SEPSECS: variants seen among roughly 807,000 people sequenced by gnomAD.
SEPSECS encodes the protein Sep (O-phosphoserine) tRNA:Sec (selenocysteine) tRNA synthase, also known as O-phosphoseryl-tRNA(Sec) selenium transferase.
A neutral mutation model predicts 52.1 loss-of-function variants in SEPSECS; 42 were observed. The ratio of observed to expected loss-of-function variants is 0.81; its 90% CI spans 0.63 to 1.04. The LOEUF (loss-of-function observed/expected upper bound fraction) is 1.04. Among genes scored for constraint, SEPSECS ranks in the 50% least tolerant of loss-of-function variants. SEPSECS has a pLI of 0.00. For missense variants in SEPSECS, 590 were observed against 610.6 expected (o/e 0.97, Z 0.36); for synonymous variants, 216 against 211.4 (o/e 1.02, Z -0.19).
At position 25,125,724 on chromosome 4, in the gene SEPSECS, A is replaced by G. The variant is rs527970470; in HGVS notation, c.1181T>C (p.Met394Thr). 2 of 1,613,112 alleles carry G rather than the reference A, an allele frequency of 1.2e-6. No homozygotes were observed. The highest frequency in any genetic ancestry group is 1.3e-5 in the African/African-American group (1 of 75,022). The change falls in exon 10 of 11, where the codon ATG becomes ACG. Residue 394 changes from methionine (M) to threonine (T), a missense_variant. Met to Thr is a moderately conservative substitution (Grantham distance 81). Transcript: ENST00000382103. ...TCCAGAAACCTGTCTGGTAAAAAGC[A>G]TCGAGCCAAGCTGAGTGACAGCTTT... ...RDKAVTQLGSMLFTRQVSGAR... is the reference protein window; with the variant it reads ...RDKAVTQLGSTLFTRQVSGAR...
intron 6 of SEPSECS, among the ~76,000 whole-genome samples, chr4:25,146,953 T>C (rs1711999240): frequency 6.6e-6 from 1 of 152,206 alleles, no homozygotes; most frequent in Non-Finnish European, 1.5e-5. Flanking sequence ...CTTGAAATCC[T>C]TCCATGGCCA....
At chr4:25,154,875 T>C in intron 5 of SEPSECS, 123 bp downstream of exon 5, 1 of 1,027,824 alleles carries the variant, frequency 9.7e-7, no homozygotes, top group Non-Finnish European at 1.5e-6. Flanking sequence ...GGTCAATCTA[T>C]TCTCTTAGAA....
chr4:25,151,376 T>A (rs986555504), intron 6 of SEPSECS, among the ~76,000 whole-genome samples: 1 of 152,030 alleles, frequency 6.6e-6, no homozygotes, highest in South Asian at 2.1e-4. Flanking sequence ...AGGAAAGCAG[T>A]AGAAAATGAA....
chr4:25,142,288 G>A (rs1421491633), intron 8 of SEPSECS, among the ~76,000 whole-genome samples: 1 of 151,122 alleles, frequency 6.6e-6, no homozygotes, highest in African/African-American at 2.4e-5. Context: ...AAAAAAAAAA[G>A]TCACCATCTC....
chr4:25,133,268 G>C (rs1728685890), intron 8 of SEPSECS, among the ~76,000 whole-genome samples: 1 of 152,076 alleles, frequency 6.6e-6, no homozygotes. Flanking sequence ...CTAGATAAAA[G>C]GAAAAGAACA....
Position 25,160,406 on chromosome 4 carries a change from C to G in SEPSECS, c.-37G>C. 6.7e-7 allele frequency: 1 copy of G among 1,494,298 alleles called. No individual in the cohort carries two copies. The allele number at this position is 1,494,298 out of a possible 1,614,324, so 92.6% of individuals were successfully genotyped here. A position where few individuals can be genotyped will look rare whatever the true frequency, so the allele number is the denominator to read the frequency against. On this transcript the variant is annotated 5_prime_UTR_variant, in exon 1 of 11. Transcript: ENST00000382103. Reference sequence around the variant, plus strand: ...CGACAGTGGCGAATAAGCGGGAGCACTAGCTCCACACGCCAGACACACGAC... The same window carrying G: ...CGACAGTGGCGAATAAGCGGGAGCAGTAGCTCCACACGCCAGACACACGAC...
In SEPSECS at chr4:25,123,994, A is replaced by C. The variant is rs982751009; in HGVS notation, c.1443T>G (p.Ile481Met). Residue 481 changes from isoleucine to methionine, a missense_variant, in exon 11 of 11, where the codon ATT becomes ATG. By Grantham distance (10) the Ile-to-Met change is conservative. Coordinates refer to ENST00000382103, the MANE Select transcript of SEPSECS (RefSeq NM_016955.4). ...DNYDKTEDVD[I>M]EEMALKLDNV... Reference sequence around the variant, plus strand: ...TATCTAGTTTTAAAGCCATTTCTTCAATATCCACATCTTCAGTTTTGTCAT... The same window carrying C: ...TATCTAGTTTTAAAGCCATTTCTTCCATATCCACATCTTCAGTTTTGTCAT... 6.2e-7 allele frequency: 1 copy of C among 1,613,590 alleles called. No homozygotes were observed. Among genetic ancestry groups the C allele is most frequent in the Non-Finnish European group, 8.5e-7 (1 of 1,179,590 alleles).
chr4:25,157,044 G>T, intron 2 of SEPSECS, 70 bp from the exon 3 acceptor site: 1 of 878,340 alleles, frequency 1.1e-6, no homozygotes, highest in Non-Finnish European at 2.0e-6. Flanking sequence ...GTACAAATAT[G>T]CAAATGTAAT....
At chr4:25,127,915 T>C (rs1308529656) in intron 8 of SEPSECS, among the ~76,000 whole-genome samples, 3 of 152,242 alleles carry the variant, frequency 2.0e-5, no homozygotes, top group Non-Finnish European at 4.4e-5. Flanking sequence ...CCAGTCACAT[T>C]AGCCTCCTTT....
intron 8 of SEPSECS, among the ~76,000 whole-genome samples, chr4:25,132,296 CT>C (rs1728641988): frequency 6.6e-6 from 1 of 152,046 alleles, no homozygotes; most frequent in Non-Finnish European, 1.5e-5. Context: ...TCTAACATTC[CT>C]TTTTTTAGTA....
chr4:25,124,424 A>C (rs1298299972), intron 10 of SEPSECS, among the ~76,000 whole-genome samples, 199 bp from the exon 11 acceptor site: 1 of 152,150 alleles, frequency 6.6e-6, no homozygotes. Flanking sequence ...TACATAAAAA[A>C]GTCCTGCCTC....
At chr4:25,151,897 T>A in intron 6 of SEPSECS, 63 bp downstream of exon 6, 1 of 902,114 alleles carries the variant, frequency 1.1e-6, no homozygotes, top group Non-Finnish European at 1.9e-6. Context: ...GAAAAAGTAA[T>A]AATCCTATAA....
At chr4:25,137,728 G>T (rs756799979) in intron 8 of SEPSECS, among the ~76,000 whole-genome samples, 21 of 152,182 alleles carry the variant, frequency 1.4e-4, no homozygotes, top group Admixed American at 3.3e-4. Flanking sequence ...TATATCCAAA[G>T]GAATATAAAT....
chr4:25,156,323 G>A (rs1712632851), intron 3 of SEPSECS, 128 bp from the exon 4 acceptor site: 5 of 775,786 alleles, frequency 6.4e-6, no homozygotes, highest in Non-Finnish European at 1.0e-5. Flanking sequence ...TTCTGTACTC[G>A]CTCTTGGAAA....
At chr4:25,154,622 AATTT>A (rs1217084599) in intron 5 of SEPSECS, among the ~76,000 whole-genome samples, 1 of 152,018 alleles carries the variant, frequency 6.6e-6, no homozygotes, top group Non-Finnish European at 1.5e-5. Flanking sequence ...ATTTTTTTTT[AATTT>A]ATTAATACTG....
intron 6 of SEPSECS, 63 bp from the exon 7 acceptor site, chr4:25,145,196 A>G: frequency 6.6e-7 from 1 of 1,524,468 alleles, no homozygotes; most frequent in South Asian, 1.2e-5. Flanking sequence ...ATTAACAAAC[A>G]AATACCACAA....
At chr4:25,151,042 GT>G (rs2109028019) in intron 6 of SEPSECS, among the ~76,000 whole-genome samples, 1 of 152,198 alleles carries the variant, frequency 6.6e-6, no homozygotes, top group African/African-American at 2.4e-5. Context: ...GTTAGATAGG[GT>G]TTGACATGTA....
intron 8 of SEPSECS, among the ~76,000 whole-genome samples, chr4:25,139,861 T>C (rs944597147): frequency 6.6e-6 from 1 of 152,140 alleles, no homozygotes; most frequent in Admixed American, 6.6e-5. Context: ...CTTAAGGGTA[T>C]AAAAGGAATC....
intron 1 of SEPSECS, chr4:25,159,700 A>T: frequency 1.7e-6 from 1 of 595,992 alleles, no homozygotes; most frequent in South Asian, 2.4e-5. Context: ...TGAACCCGGG[A>T]GGCGGAGGCT....
Sources: gnomAD v4.1 joint callset for allele counts (sites outside exome capture counted in the v4.1 genomes callset) on GRCh38, gnomAD v4.1.1 for gene constraint, MANE v1.5 for transcripts, NCBI Gene and HGNC (gene_info 2026-07-23, HGNC 2026-07-21) for gene names.